The following CMIP variants were observed in gnomAD, a reference collection of about 807,000 sequenced individuals.
CMIP encodes c-Maf inducing protein, also known as C-Maf-inducing protein.
A neutral mutation model predicts 97.3 loss-of-function variants in CMIP; 13 were observed. The ratio of observed to expected loss-of-function variants is 0.13; its 90% CI spans 0.09 to 0.21. The LOEUF (loss-of-function observed/expected upper bound fraction) is 0.21. CMIP is among the 10% of genes least tolerant of loss of function. CMIP has a pLI of 1.00. For missense variants in CMIP, 847 were observed against 1,024.9 expected (o/e 0.83, Z 2.37); for synonymous variants, 538 against 436.3 (o/e 1.23, Z -2.91).
rs183075653 is a variant in CMIP, at chr16:81,708,578, C to T, written c.2269-1168C>T. ...CAACTTAATGCTGCCAGCCTGTGAC[C>T]GGCCTCCCTGTGGAGGGGACTCGAG... On this transcript the variant is annotated intron_variant, in intron 20 of 20. Transcript: ENST00000537098. Among the ~76,000 whole-genome samples the T allele has an allele frequency of 8.5e-5, 13 of 152,268 alleles. No individual in the cohort carries two copies. The East Asian group carries it at 1.9e-3, about 23-fold the overall frequency.
Position 81,667,799 on chromosome 16 carries a change from A to AGAGTGT in CMIP, c.826-2342_826-2341insAGTGTG. On this transcript the variant is annotated intron_variant, in intron 7 of 20. Coordinates refer to ENST00000537098, the MANE Select transcript of CMIP (RefSeq NM_198390.3). Reference sequence around the variant, plus strand: ...GAGAGAGAGAGAGAGAGAGAGAGAGAGTGTGTGTGTGTGTGTGTGTGTGTG... The same window carrying AGAGTGT: ...GAGAGAGAGAGAGAGAGAGAGAGAGAGAGTGTGTGTGTGTGTGTGTGTGTGTGTGTG... 8.7e-3 allele frequency among the ~76,000 whole-genome samples: 504 copies of AGAGTGT among 58,130 alleles called. 5 individuals are homozygous for AGAGTGT. Among genetic ancestry groups the AGAGTGT allele is most frequent in the South Asian group, 0.018 (22 of 1,256 alleles). 38.1% of individuals were successfully genotyped at this position (58,130 alleles called of 152,430 possible). A position where few individuals can be genotyped will look rare whatever the true frequency, so the allele number is the denominator to read the frequency against.
intron 1 of CMIP, among the ~76,000 whole-genome samples, chr16:81,578,791 C>T (rs1026423937): frequency 1.3e-5 from 2 of 152,212 alleles, no homozygotes; most frequent in African/African-American, 4.8e-5. Flanking sequence ...CCTGCACTGG[C>T]GTCGGAAAAG....
At chr16:81,528,674 A>G (rs1437362426) in intron 1 of CMIP, among the ~76,000 whole-genome samples, 3 of 152,184 alleles carry the variant, frequency 2.0e-5, no homozygotes, top group African/African-American at 4.8e-5. Context: ...TCTCTGACTT[A>G]GCACAAATGA....
chr16:81,598,872 G>T (rs2091608175), intron 1 of CMIP, among the ~76,000 whole-genome samples: 1 of 150,916 alleles, frequency 6.6e-6, no homozygotes, highest in South Asian at 2.1e-4. Context: ...GGGAGGCTGA[G>T]GCAGGAGAAT....
rs1408141616 is a variant in CMIP, at chr16:81,596,092, G to A, written c.301-11475G>A. ...GGTTTTTCTCTATCCATCCTAGTGGGTATGAGTATAATCTCACTTTTACCA... is the reference window on the plus strand; with the variant it reads ...GGTTTTTCTCTATCCATCCTAGTGGATATGAGTATAATCTCACTTTTACCA... On this transcript the variant is annotated intron_variant, in intron 1 of 20. Coordinates refer to ENST00000537098, the MANE Select transcript of CMIP (RefSeq NM_198390.3). Among the ~76,000 whole-genome samples the A allele has an allele frequency of 2.0e-5, 3 of 152,098 alleles. No individual in the cohort carries two copies. In the South Asian group the frequency reaches 6.2e-4, roughly 32 times the overall value.
intron 1 of CMIP, among the ~76,000 whole-genome samples, chr16:81,446,716 C>T (rs1351488334): frequency 6.6e-6 from 1 of 152,148 alleles, no homozygotes; most frequent in Non-Finnish European, 1.5e-5. Flanking sequence ...ATGTCACAAA[C>T]GTGTAGCGTG....
intron 19 of CMIP, among the ~76,000 whole-genome samples, chr16:81,706,484 AG>A (rs1430288447): frequency 2.6e-5 from 4 of 152,184 alleles, no homozygotes; most frequent in African/African-American, 9.6e-5. Context: ...CTTCCACTGG[AG>A]TCCCCCGGGG....
chr16:81,601,216 T>C (rs893821724), intron 1 of CMIP, among the ~76,000 whole-genome samples: 3 of 152,226 alleles, frequency 2.0e-5, no homozygotes, highest in Non-Finnish European at 4.4e-5. Flanking sequence ...CTGGCTTCTT[T>C]TGGGGTCCGG....
intron 3 of CMIP, among the ~76,000 whole-genome samples, chr16:81,638,026 C>G (rs2092258443): frequency 6.6e-6 from 1 of 151,698 alleles, no homozygotes; most frequent in African/African-American, 2.4e-5. Flanking sequence ...CACCTCCTAA[C>G]ACCCCCCCCA....
chr16:81,516,546 C>T (rs753510914), intron 1 of CMIP, among the ~76,000 whole-genome samples: 7 of 152,340 alleles, frequency 4.6e-5, no homozygotes, highest in African/African-American at 9.6e-5. Flanking sequence ...GCCAGCTCTG[C>T]CTTCAGGACT....
intron 1 of CMIP, among the ~76,000 whole-genome samples, chr16:81,527,962 G>A (rs758412436): frequency 5.3e-5 from 8 of 152,164 alleles, no homozygotes; most frequent in Non-Finnish European, 8.8e-5. Context: ...GTTGCCATTC[G>A]CTGGTATTGC....
chr16:81,505,413 T>C (rs1298836069), intron 1 of CMIP, among the ~76,000 whole-genome samples: 2 of 152,254 alleles, frequency 1.3e-5, no homozygotes, highest in Non-Finnish European at 2.9e-5. Flanking sequence ...GGAGAGCTGC[T>C]GATCTTGTGC....
At chr16:81,475,174 C>A (rs1167697234) in intron 1 of CMIP, among the ~76,000 whole-genome samples, 1 of 152,128 alleles carries the variant, frequency 6.6e-6, no homozygotes, top group South Asian at 2.1e-4. Flanking sequence ...CTGTCTCTTT[C>A]TCTCTCTGTC....
chr16:81,496,198 C>T (rs2089487645), intron 1 of CMIP, among the ~76,000 whole-genome samples: 1 of 152,194 alleles, frequency 6.6e-6, no homozygotes, highest in South Asian at 2.1e-4. Flanking sequence ...CATGTGTAAA[C>T]AGGGCCTGGA....
rs991935731 is a variant in CMIP, at chr16:81,627,818, G to A, written c.477+6892G>A. Among the ~76,000 whole-genome samples the A allele has an allele frequency of 2.6e-5, 4 of 152,160 alleles. No individual in the cohort carries two copies. The highest frequency in any genetic ancestry group is 5.9e-5 in the Non-Finnish European group (4 of 68,012). ...CCTCATGAGTGGCTGCGGCGCCTCG[G>A]GAATGAGTCTGTTCCATGTTCTGTG... On this transcript the variant is annotated intron_variant, in intron 3 of 20. Transcript: ENST00000537098. The surrounding 1 kb of genome is among the most constrained non-coding windows in gnomAD (Gnocchi z 4.6).
intron 3 of CMIP, among the ~76,000 whole-genome samples, chr16:81,637,621 C>T (rs1463692353): frequency 2.8e-5 from 3 of 107,794 alleles, no homozygotes; most frequent in Non-Finnish European, 6.1e-5. Flanking sequence ...CCCGACTCTC[C>T]GTTTGTGATG....
chr16:81,678,728 C>T (rs966750971), intron 10 of CMIP, 100 bp downstream of exon 10: 1 of 628,376 alleles, frequency 1.6e-6, no homozygotes, highest in South Asian at 1.9e-5. Context: ...CTACGCAGGG[C>T]CGGGCATGGT....
intron 3 of CMIP, among the ~76,000 whole-genome samples, chr16:81,636,182 T>TGATTTC (rs56205606): frequency 0.42 from 63,817 of 151,452 alleles, 13,928 homozygotes; most frequent in East Asian, 0.57. Flanking sequence ...GTCCTCTGTA[T>TGATTTC]GAATTTTTCA....
At chr16:81,631,982 A>G (rs2092167811) in intron 3 of CMIP, 1 of 152,258 alleles carries the variant, frequency 6.6e-6, no homozygotes, top group Admixed American at 6.5e-5. Context: ...AAAAGGACAA[A>G]GAGAACTAAG....
Sources: allele counts gnomAD v4.1 joint callset (sites outside exome capture counted in the v4.1 genomes callset), GRCh38; gene constraint gnomAD v4.1.1; non-coding constraint Gnocchi (gnomAD v3.1); transcripts MANE v1.5; gene names NCBI Gene and HGNC (gene_info 2026-07-23, HGNC 2026-07-21).